Variants in IL2RA observed in about 807,000 individuals in gnomAD.
The protein encoded by IL2RA is interleukin-2 receptor subunit alpha.
IL2RA carries 24 observed loss-of-function variants against 37.8 expected under a neutral mutation model. That is an observed-to-expected ratio of 0.63 (90% CI 0.46 to 0.89). The LOEUF (loss-of-function observed/expected upper bound fraction) is 0.89, where lower values mean the gene tolerates loss of function less well. Ranked by LOEUF, IL2RA falls within the 40% of genes least tolerant of loss-of-function variation. The pLI is 0.00. For synonymous variants in IL2RA, 125 were observed against 114.6 expected (o/e 1.09, Z -0.58); for missense variants, 319 against 348.6 (o/e 0.92, Z 0.68).
intron 7 of IL2RA, among the ~76,000 whole-genome samples, chr10:6,016,636 G>A (rs916930082): frequency 2.0e-5 from 3 of 151,816 alleles, no homozygotes; most frequent in Admixed American, 6.6e-5. Flanking sequence ...GTAGTGGCGC[G>A]ATCTTGGCTC....
intron 7 of IL2RA, 70 bp downstream of exon 7, chr10:6,017,983 G>C: frequency 8.0e-7 from 1 of 1,242,504 alleles, no homozygotes; most frequent in Non-Finnish European, 1.2e-6. Flanking sequence ...GGGGGTAGGG[G>C]GGAGGCAGGG....
intron 1 of IL2RA, among the ~76,000 whole-genome samples, chr10:6,038,824 A>AT (rs1425818473): frequency 2.6e-5 from 4 of 152,360 alleles, no homozygotes; most frequent in African/African-American, 9.6e-5. Flanking sequence ...GATGTTAAAA[A>AT]TTACATCTAA....
intron 1 of IL2RA, among the ~76,000 whole-genome samples, chr10:6,059,977 T>A (rs1201558384): frequency 2.6e-5 from 4 of 152,244 alleles, no homozygotes; most frequent in African/African-American, 9.6e-5. Context: ...GGGGTATGGA[T>A]AGATGTTGAG....
intron 1 of IL2RA, among the ~76,000 whole-genome samples, chr10:6,034,475 T>C (rs1839648695): frequency 6.6e-6 from 1 of 152,070 alleles, no homozygotes; most frequent in South Asian, 2.1e-4. Flanking sequence ...TGTAGTGTTA[T>C]AAAAGCAGCA....
rs1196694989 is a variant in IL2RA, at chr10:6,021,264, G to A, written c.583+214C>T. ...AACCTTTCTCCCCACTCAGGGCACA[G>A]GGGGACCTTCATTGAAGGAGCCCTT... is the stretch of plus-strand genomic sequence containing the variant. On this transcript the variant is annotated intron_variant, in intron 4 of 7. Coordinates refer to ENST00000379959, the MANE Select transcript of IL2RA (RefSeq NM_000417.3). The surrounding 1 kb of genome is among the most constrained non-coding windows in gnomAD (Gnocchi z 4.9). 6.6e-6 allele frequency among the ~76,000 whole-genome samples: 1 copy of A among 152,072 alleles called. No individual in the cohort carries two copies. Among genetic ancestry groups the A allele is most frequent in the African/African-American group, 2.4e-5 (1 of 41,402 alleles).
Position 6,046,571 on chromosome 10 carries a change from C to A in IL2RA, c.64+15517G>T, listed in dbSNP as rs1192382802. Among the ~76,000 whole-genome samples, 1 of 152,170 alleles carries A rather than the reference C, an allele frequency of 6.6e-6. No individual in the cohort carries two copies. The highest frequency in any genetic ancestry group is 1.5e-5 in the Non-Finnish European group (1 of 68,038). ...ACTGTTCTCAGACACATAAATGCAA[C>A]CTCAAGGCTTTTGCTGAGTTTAGTC... On this transcript the variant is annotated intron_variant, in intron 1 of 7. Transcript: ENST00000379959. This position sits in a 1 kb window ranked among gnomAD's most constrained non-coding sequence, Gnocchi z 4.8.
chr10:6,040,925 C>A (rs1564549109), intron 1 of IL2RA, among the ~76,000 whole-genome samples: 1 of 152,124 alleles, frequency 6.6e-6, no homozygotes, highest in Non-Finnish European at 1.5e-5. Context: ...TAAAATTCAA[C>A]ATTTTTTATA....
At chr10:6,050,745 G>A (rs1839939678) in intron 1 of IL2RA, among the ~76,000 whole-genome samples, 1 of 152,250 alleles carries the variant, frequency 6.6e-6, no homozygotes, top group African/African-American at 2.4e-5. Flanking sequence ...CACGCAGCAA[G>A]GCCTCCCTGG....
In IL2RA at chr10:6,044,152, G is replaced by C. The variant is rs1224506534; in HGVS notation, c.64+17936C>G. Among the ~76,000 whole-genome samples, 2 of 152,246 alleles carry C rather than the reference G, an allele frequency of 1.3e-5. No individual in the cohort carries two copies. Among genetic ancestry groups the C allele is most frequent in the Non-Finnish European group, 2.9e-5 (2 of 68,054 alleles). ...ATTCAACACAATGATTAAGCCTAGA[G>C]CATCTTCCTAGAGAAGGTGGTAGTG... On this transcript the variant is annotated intron_variant, in intron 1 of 7. Coordinates refer to ENST00000379959, the MANE Select transcript of IL2RA (RefSeq NM_000417.3). This position sits in a 1 kb window ranked among gnomAD's most constrained non-coding sequence, Gnocchi z 4.5.
At position 6,025,948 on chromosome 10, in the gene IL2RA, T is replaced by C. The variant is rs745686694; in HGVS notation, c.142A>G (p.Asn48Asp). The change falls in exon 2 of 8, where the codon AAC becomes GAC. Residue 48 changes from asparagine to aspartate, a missense_variant. Physicochemically the swap from Asn to Asp is conservative, Grantham distance 23. Transcript: ENST00000379959. This position sits in a 1 kb window ranked among gnomAD's most constrained non-coding sequence, Gnocchi z 4.4. ...AMAYKEGTML[N>D]CECKRGFRRI... ...CGGAAACCTCTCTTGCATTCACAGT[T>C]CAACATGGTTCCTTCCTTGTAGGCC... 21 of 1,614,202 alleles carry C rather than the reference T, an allele frequency of 1.3e-5. No individual in the cohort carries two copies. The highest frequency in any genetic ancestry group is 1.8e-5 in the Non-Finnish European group (21 of 1,180,044).
rs1399154565 is a variant in IL2RA, at chr10:6,062,295, G to GTCCATCC, written c.-151_-145dup. The GTCCATCC allele has an allele frequency of 1.6e-5, 11 of 686,662 alleles. No individual in the cohort carries two copies. The African/African-American group carries it at 1.9e-4, about 12-fold the overall frequency. The allele number at this position is 686,662 out of a possible 1,614,324, so 42.5% of individuals were successfully genotyped here. A position where few individuals can be genotyped will look rare whatever the true frequency, so the allele number is the denominator to read the frequency against. On this transcript the variant is annotated 5_prime_UTR_variant, in exon 1 of 8. The change creates a new upstream start codon in the 5' untranslated region. Coordinates refer to ENST00000379959, the MANE Select transcript of IL2RA (RefSeq NM_000417.3). ...TCCGCCTGGGCTGTCACCCTTGTGG[G>GTCCATCC]TCCATCCAGTCTCTATCGGAGTCAG...
intron 1 of IL2RA, among the ~76,000 whole-genome samples, chr10:6,030,559 G>A (rs1839560494): frequency 6.6e-6 from 1 of 152,186 alleles, no homozygotes; most frequent in Non-Finnish European, 1.5e-5. Context: ...CTCTAAAAAT[G>A]AGGGTGAATT....
chr10:6,042,430 C>T (rs1442477303), intron 1 of IL2RA, among the ~76,000 whole-genome samples: 2 of 151,960 alleles, frequency 1.3e-5, no homozygotes, highest in African/African-American at 2.4e-5. Flanking sequence ...ATAACATGTA[C>T]GTGATACCTT....
At chr10:6,026,105 T>C in intron 1 of IL2RA, 80 bp from the exon 2 acceptor site, 2 of 1,388,156 alleles carry the variant, frequency 1.4e-6, no homozygotes, top group Non-Finnish European at 2.0e-6. Context: ...AATGACTTAA[T>C]CACATATTTC....
chr10:6,061,965 G>A, intron 1 of IL2RA, 123 bp downstream of exon 1: 1 of 809,470 alleles, frequency 1.2e-6, no homozygotes, highest in Admixed American at 1.9e-5. Flanking sequence ...GGCAAGAGGT[G>A]GAACCCAAGA....
Position 6,014,147 on chromosome 10 carries a change from T to C in IL2RA, c.795-1251A>G, listed in dbSNP as rs973137612. On this transcript the variant is annotated intron_variant, in intron 7 of 7. Coordinates refer to ENST00000379959, the MANE Select transcript of IL2RA (RefSeq NM_000417.3). The surrounding 1 kb of genome is among the most constrained non-coding windows in gnomAD (Gnocchi z 4.4). ...ATACTTTAATTTTCCATAATGGCTATGCTTAAAAACCAGTTTGCAGAAGTC... is the reference window on the plus strand; with the variant it reads ...ATACTTTAATTTTCCATAATGGCTACGCTTAAAAACCAGTTTGCAGAAGTC... Among the ~76,000 whole-genome samples, 2 of 152,224 alleles carry C rather than the reference T, an allele frequency of 1.3e-5. No individual in the cohort carries two copies. The highest frequency in any genetic ancestry group is 2.4e-5 in the African/African-American group (1 of 41,462).
In IL2RA at chr10:6,033,321, AC is replaced by A. The variant is rs1343961353; in HGVS notation, c.65-7297del. Among the ~76,000 whole-genome samples, 7 of 141,072 alleles carry A rather than the reference AC, an allele frequency of 5.0e-5. No homozygotes were observed. The highest frequency in any genetic ancestry group is 2.2e-4 in the South Asian group (1 of 4,474). 92.5% of individuals were successfully genotyped at this position (141,072 alleles called of 152,430 possible). A position where few individuals can be genotyped will look rare whatever the true frequency, so the allele number is the denominator to read the frequency against. ...CAAACAAAGAAACAAACAAACAACAACAAAAAAAAAACAAAAAAAGAAAGTA... is the reference window on the plus strand; with the variant it reads ...CAAACAAAGAAACAAACAAACAACAAAAAAAAAAAACAAAAAAAGAAAGTA... On this transcript the variant is annotated intron_variant, in intron 1 of 7. Coordinates refer to ENST00000379959, the MANE Select transcript of IL2RA (RefSeq NM_000417.3). This position sits in a 1 kb window ranked among gnomAD's most constrained non-coding sequence, Gnocchi z 4.3.
intron 1 of IL2RA, among the ~76,000 whole-genome samples, chr10:6,032,026 C>T (rs1391527818): frequency 6.6e-6 from 1 of 151,986 alleles, no homozygotes; most frequent in African/African-American, 2.4e-5. Flanking sequence ...GCAGAAAGTC[C>T]TGAAATGGAC....
rs1490292003 is a variant in IL2RA, at chr10:6,057,450, C to T, written c.64+4638G>A. Among the ~76,000 whole-genome samples, 1 of 152,158 alleles carries T rather than the reference C, an allele frequency of 6.6e-6. No individual in the cohort carries two copies. ...CCAAAGTTCCCCAGCTTGAAAATGC[C>T]TTTTAAGCAGAGCTTATTTTATTTC... On this transcript the variant is annotated intron_variant, in intron 1 of 7. Transcript: ENST00000379959. The surrounding 1 kb of genome is among the most constrained non-coding windows in gnomAD (Gnocchi z 4.8).
Sources: gnomAD v4.1 joint callset for allele counts (sites outside exome capture counted in the v4.1 genomes callset) on GRCh38, gnomAD v4.1.1 for gene constraint, Gnocchi (gnomAD v3.1) non-coding constraint, MANE v1.5 for transcripts, NCBI Gene and HGNC (gene_info 2026-07-23, HGNC 2026-07-21) for gene names.